Variants in PPP1R9A observed in about 807,000 individuals in gnomAD.
PPP1R9A encodes the protein protein phosphatase 1 regulatory subunit 9A.
Under a neutral mutation model 141.9 loss-of-function variants are expected in PPP1R9A, and 59 were observed. That is an observed-to-expected ratio of 0.42 (90% CI 0.34 to 0.52). The LOEUF is 0.52. Ranked by LOEUF, PPP1R9A falls within the 20% of genes least tolerant of loss-of-function variation. PPP1R9A has a pLI of 0.10. For missense variants in PPP1R9A, 1,444 were observed against 1,611.9 expected (o/e 0.90, Z 1.78); for synonymous variants, 500 against 569.7 (o/e 0.88, Z 1.74).
At chr7:95,038,255 C>T (rs1808731741) in intron 2 of PPP1R9A, among the ~76,000 whole-genome samples, 1 of 152,120 alleles carries the variant, frequency 6.6e-6, no homozygotes, top group Non-Finnish European at 1.5e-5. Context: ...GAGACAGGTG[C>T]CTCCAGAGAG....
intron 2 of PPP1R9A, among the ~76,000 whole-genome samples, chr7:95,032,574 A>G (rs1028242281): frequency 1.3e-5 from 2 of 152,118 alleles, no homozygotes; most frequent in African/African-American, 2.4e-5. Flanking sequence ...GGCAAAAGCA[A>G]TATATCTTAT....
At chr7:95,225,827 G>A (rs1013348709) in intron 7 of PPP1R9A, 134 bp from the exon 8 acceptor site, 3 of 854,566 alleles carry the variant, frequency 3.5e-6, no homozygotes, top group Admixed American at 2.9e-5. Flanking sequence ...CATGAGGCAT[G>A]CTTGGCTGAA....
At chr7:95,061,666 G>A (rs1020625437) in intron 2 of PPP1R9A, among the ~76,000 whole-genome samples, 11 of 152,112 alleles carry the variant, frequency 7.2e-5, no homozygotes, top group Admixed American at 7.2e-4. Context: ...AGCCCAGGAG[G>A]TCATGGCTGT....
intron 7 of PPP1R9A, among the ~76,000 whole-genome samples, chr7:95,216,784 A>G (rs1312762209): frequency 1.3e-5 from 2 of 152,182 alleles, no homozygotes; most frequent in Non-Finnish European, 2.9e-5. Flanking sequence ...TTATTGGTGT[A>G]TAAGAATGCT....
intron 2 of PPP1R9A, among the ~76,000 whole-genome samples, chr7:94,975,356 G>GTTTTTTTTTTTTTTTTT (rs68186534): frequency 2.5e-5 from 3 of 120,714 alleles, no homozygotes; most frequent in Non-Finnish European, 3.5e-5. Flanking sequence ...GTTTTTTTTT[G>GTTTTTTTTTTTTTTTTT]TTTTTTTTTT....
intron 2 of PPP1R9A, among the ~76,000 whole-genome samples, chr7:95,088,687 A>T (rs1816947530): frequency 6.6e-6 from 1 of 151,988 alleles, no homozygotes; most frequent in Non-Finnish European, 1.5e-5. Flanking sequence ...ACACAGGCCC[A>T]GTTTCTTGTA....
chr7:95,108,948 G>A (rs982975118), intron 2 of PPP1R9A: 6 of 152,136 alleles, frequency 3.9e-5, no homozygotes, highest in South Asian at 4.1e-4. Context: ...GGACCTATTA[G>A]CAGAAGTAGA....
chr7:94,932,879 G>A (rs1794330288), intron 2 of PPP1R9A, among the ~76,000 whole-genome samples: 2 of 151,432 alleles, frequency 1.3e-5, no homozygotes, highest in African/African-American at 4.9e-5. Context: ...AGATGGTTGG[G>A]AGTGCAGTAA....
At chr7:95,208,968 A>AAAAAAAAAC (rs1554562132) in intron 7 of PPP1R9A, among the ~76,000 whole-genome samples, 117 of 148,470 alleles carry the variant, frequency 7.9e-4, no homozygotes, top group Middle Eastern at 3.4e-3. Context: ...AAAAAAAAAA[A>AAAAAAAAAC]AAAAAAAAAA....
chr7:95,192,973 A>AT (rs1261910766), intron 5 of PPP1R9A, among the ~76,000 whole-genome samples: 1 of 152,054 alleles, frequency 6.6e-6, no homozygotes, highest in Non-Finnish European at 1.5e-5. Flanking sequence ...AATATGGGAG[A>AT]TTTTATCAGT....
intron 5 of PPP1R9A, among the ~76,000 whole-genome samples, chr7:95,183,055 G>A (rs1834090224): frequency 6.6e-6 from 1 of 151,938 alleles, no homozygotes; most frequent in Non-Finnish European, 1.5e-5. Flanking sequence ...ATAGTGTGTA[G>A]TTCTTGAAGT....
At chr7:95,130,951 G>T (rs1420936191) in intron 4 of PPP1R9A, among the ~76,000 whole-genome samples, 2 of 152,164 alleles carry the variant, frequency 1.3e-5, no homozygotes, top group African/African-American at 4.8e-5. Flanking sequence ...GAAGGGACTT[G>T]CCTTGTCTCG....
chr7:95,111,399 A>G lies in PPP1R9A; in HGVS notation c.1528+8A>G, dbSNP rs1037912206. On this transcript the variant is annotated splice_region_variant and intron_variant, in intron 3 of 19. Transcript: ENST00000433360. ...CAGTGGAGCTAGAGAAAGGTTCGTGAGTGCTACAGTGTTAATATCATTATG... is the reference window on the plus strand; with the variant it reads ...CAGTGGAGCTAGAGAAAGGTTCGTGGGTGCTACAGTGTTAATATCATTATG... The G allele has an allele frequency of 7.4e-6, 12 of 1,611,558 alleles. No individual in the cohort carries two copies. The African/African-American group carries it at 1.3e-4, about 18-fold the overall frequency.
At chr7:94,931,644 C>A (rs1437238944) in intron 2 of PPP1R9A, among the ~76,000 whole-genome samples, 1 of 151,980 alleles carries the variant, frequency 6.6e-6, no homozygotes, top group African/African-American at 2.4e-5. Context: ...AATGGTGCAA[C>A]CTCGGCTCAC....
chr7:95,218,959 C>T (rs1393363424), intron 7 of PPP1R9A, among the ~76,000 whole-genome samples: 1 of 151,962 alleles, frequency 6.6e-6, no homozygotes, highest in Non-Finnish European at 1.5e-5. Context: ...GAGCATTTAG[C>T]CCATTTACAT....
chr7:95,212,558 A>T (rs571904977), intron 7 of PPP1R9A, among the ~76,000 whole-genome samples: 1 of 152,286 alleles, frequency 6.6e-6, no homozygotes, highest in East Asian at 1.9e-4. Context: ...AAGTCATTTA[A>T]TCAGATAAGA....
chr7:94,944,931 G>A (rs75933046), intron 2 of PPP1R9A, among the ~76,000 whole-genome samples: 2,095 of 152,066 alleles, frequency 0.014, 37 homozygotes, highest in African/African-American at 0.047. Context: ...GGGTTTGAGG[G>A]GATGACGTAT....
At chr7:95,267,882 T>TA (rs1360498157) in intron 12 of PPP1R9A, among the ~76,000 whole-genome samples, 3 of 152,100 alleles carry the variant, frequency 2.0e-5, no homozygotes, top group Non-Finnish European at 1.5e-5. Flanking sequence ...ACTAAGTACT[T>TA]ACGATTTTTT....
intron 2 of PPP1R9A, among the ~76,000 whole-genome samples, chr7:95,014,257 T>C (rs1457347242): frequency 6.6e-6 from 1 of 152,110 alleles, no homozygotes; most frequent in Non-Finnish European, 1.5e-5. Context: ...CAGACATTAA[T>C]TACATTTAGA....
Sources: allele counts gnomAD v4.1 joint callset (sites outside exome capture counted in the v4.1 genomes callset), GRCh38; gene constraint gnomAD v4.1.1; transcripts MANE v1.5; gene names NCBI Gene and HGNC (gene_info 2026-07-23, HGNC 2026-07-21).